Variants in SOAT1 observed in about 807,000 individuals in gnomAD.
The protein encoded by SOAT1 is sterol O-acyltransferase 1.
SOAT1 carries 55 observed loss-of-function variants against 69.5 expected under a neutral mutation model. The ratio of observed to expected loss-of-function variants is 0.79; its 90% CI spans 0.64 to 0.99. The LOEUF (loss-of-function observed/expected upper bound fraction) is 0.99. Ranked by LOEUF, SOAT1 falls within the 50% of genes least tolerant of loss-of-function variation. The probability of loss-of-function intolerance (pLI) is 0.00; values close to 1 mark genes in which losing one functional copy is unlikely to be tolerated. For missense variants in SOAT1, 580 were observed against 669.3 expected (o/e 0.87, Z 1.47); for synonymous variants, 231 against 224.7 (o/e 1.03, Z -0.25).
In SOAT1 at chr1:179,348,954, G is replaced by T. The variant is rs1449647180; in HGVS notation, c.1314+12G>T. Reference sequence around the variant, plus strand: ...AGGACTTTCTCTGGGTAAGTAGCAAGGTTTAAGTTGATATTATTTATGAAA... The same window carrying T: ...AGGACTTTCTCTGGGTAAGTAGCAATGTTTAAGTTGATATTATTTATGAAA... On this transcript the variant is annotated intron_variant, in intron 13 of 15. Transcript: ENST00000367619. The T allele has an allele frequency of 7.5e-7, 1 of 1,339,146 alleles. No homozygotes were observed. Among genetic ancestry groups the T allele is most frequent in the African/African-American group, 1.4e-5 (1 of 69,364 alleles). 83.0% of individuals were successfully genotyped at this position (1,339,146 alleles called of 1,614,324 possible). A position where few individuals can be genotyped will look rare whatever the true frequency, so the allele number is the denominator to read the frequency against.
intron 15 of SOAT1, among the ~76,000 whole-genome samples, chr1:179,352,658 A>G (rs1666777788): frequency 7.8e-6 from 1 of 127,414 alleles, no homozygotes; most frequent in South Asian, 3.0e-4. Flanking sequence ...AATCCCTACA[A>G]CCTTCCAGGT....
intron 7 of SOAT1, 38 bp downstream of exon 7, chr1:179,341,348 C>A: frequency 6.4e-7 from 1 of 1,568,142 alleles, no homozygotes; most frequent in Non-Finnish European, 8.7e-7. Flanking sequence ...ATGCTGTCCT[C>A]GGCTAAAATA....
intron 11 of SOAT1, 32 bp downstream of exon 11, chr1:179,345,108 A>G (rs1666483103): frequency 6.2e-7 from 1 of 1,609,410 alleles, no homozygotes; most frequent in Non-Finnish European, 8.5e-7. Flanking sequence ...TTGGTCATGC[A>G]TAAATTCACG....
intron 15 of SOAT1, among the ~76,000 whole-genome samples, chr1:179,352,497 T>C (rs1232250303): frequency 2.0e-5 from 3 of 152,194 alleles, no homozygotes; most frequent in Admixed American, 1.3e-4. Context: ...GCCTCCTGTA[T>C]TGGGTTTCTT....
intron 15 of SOAT1, among the ~76,000 whole-genome samples, chr1:179,353,062 TA>T (rs1666786555): frequency 6.9e-6 from 1 of 145,734 alleles, no homozygotes; most frequent in Non-Finnish European, 1.5e-5. Flanking sequence ...GTCATTTTTA[TA>T]TATATGTCAT....
At chr1:179,346,962 C>G (rs1385078938) in intron 11 of SOAT1, among the ~76,000 whole-genome samples, 1 of 152,052 alleles carries the variant, frequency 6.6e-6, no homozygotes, top group Non-Finnish European at 1.5e-5. Flanking sequence ...GGGGCAAAAT[C>G]TCTCCCAGTT....
At chr1:179,348,601 A>G (rs141078037) in intron 12 of SOAT1, among the ~76,000 whole-genome samples, 441 of 152,342 alleles carry the variant, frequency 2.9e-3, no homozygotes, top group Non-Finnish European at 4.9e-3. Flanking sequence ...TAAATCATAT[A>G]TAGTATGAGA....
intron 1 of SOAT1, among the ~76,000 whole-genome samples, chr1:179,298,926 A>C (rs1330462964): frequency 2.0e-5 from 3 of 152,200 alleles, no homozygotes; most frequent in Non-Finnish European, 1.5e-5. Context: ...AATTGGTTAC[A>C]TATTAACTGA....
chr1:179,312,911 A>T (rs1351266032), intron 2 of SOAT1, among the ~76,000 whole-genome samples: 2 of 152,052 alleles, frequency 1.3e-5, no homozygotes, highest in Non-Finnish European at 2.9e-5. Context: ...CTGACCACAC[A>T]CTAGAAAAAG....
rs1162260815 is a variant in SOAT1 at position 179,299,745 on chromosome 1, CTTTTTTTTTTTTTT to C, written c.-8-2919_-8-2906del. On this transcript the variant is annotated intron_variant, in intron 1 of 15. Transcript: ENST00000367619. ...ATTTATTTTTTAATCATTTTGCTAT[CTTTTTTTTTTTTTT>C]TTTTTTTTTTTTGAGACGGAGTCTT... Among the ~76,000 whole-genome samples the C allele has an allele frequency of 2.5e-3, 177 of 69,562 alleles. 1 individual carries two copies. Among genetic ancestry groups the C allele is most frequent in the African/African-American group, 9.9e-3 (174 of 17,546 alleles). 45.6% of individuals were successfully genotyped at this position (69,562 alleles called of 152,430 possible).
Position 179,337,845 on chromosome 1 carries a change from G to A in SOAT1, c.338G>A (p.Arg113Lys). 1 of 1,609,382 alleles carries A rather than the reference G, an allele frequency of 6.2e-7. No homozygotes were observed. The highest frequency in any genetic ancestry group is 1.1e-5 in the South Asian group (1 of 90,386). The change falls in exon 5 of 16, where the codon AGA (arginine) becomes AAA (lysine). Residue 113 changes from arginine to lysine, a missense_variant. Arg to Lys is a conservative substitution (Grantham distance 26). Transcript: ENST00000367619. ...EKNNHRAKDL[R>K]APPEQGKIFI... ...ATTTTTCCTCTTCTCAGGGATTTGA[G>A]AGCACCTCCAGAACAAGGAAAGATT...
intron 1 of SOAT1, among the ~76,000 whole-genome samples, chr1:179,301,330 G>T (rs1664824534): frequency 6.6e-6 from 1 of 152,138 alleles, no homozygotes; most frequent in Admixed American, 6.5e-5. Flanking sequence ...CTGCCTTCCT[G>T]AAAAACTTCT....
At chr1:179,302,200 T>C (rs1302127345) in intron 1 of SOAT1, among the ~76,000 whole-genome samples, 2 of 152,208 alleles carry the variant, frequency 1.3e-5, no homozygotes, top group East Asian at 3.8e-4. Context: ...AAATGATTAA[T>C]GCAAAAGGAA....
intron 9 of SOAT1, 37 bp from the exon 10 acceptor site, chr1:179,343,553 T>C: frequency 6.4e-7 from 1 of 1,565,282 alleles, no homozygotes; most frequent in Non-Finnish European, 8.7e-7. Flanking sequence ...TCAATTACTT[T>C]ATTTAGAAAC....
rs757700827 is a variant in SOAT1, at chr1:179,355,841, C to T, written c.*2200C>T. ...AGCCACCGTGCCCGGCCTCTGTTTC[C>T]TGTTATTAGTGATTTTCCTGCCCAA... On this transcript the variant is annotated 3_prime_UTR_variant, in exon 16 of 16. Coordinates refer to ENST00000367619, the MANE Select transcript of SOAT1 (RefSeq NM_003101.6). The T allele has an allele frequency of 6.6e-6, 1 of 152,138 alleles. No homozygotes were observed. Among genetic ancestry groups the T allele is most frequent in the Non-Finnish European group, 1.5e-5 (1 of 68,074 alleles). 9.4% of individuals were successfully genotyped at this position (152,138 alleles called of 1,614,324 possible). A position where few individuals can be genotyped will look rare whatever the true frequency, so the allele number is the denominator to read the frequency against.
intron 1 of SOAT1, among the ~76,000 whole-genome samples, chr1:179,299,944 G>A (rs2247061): frequency 0.36 from 52,530 of 145,052 alleles, 10,625 homozygotes; most frequent in African/African-American, 0.54. Context: ...TGTATTTTTC[G>A]TAGAGATGGG....
intron 2 of SOAT1, among the ~76,000 whole-genome samples, chr1:179,318,903 C>T (rs1298891546): frequency 6.6e-6 from 1 of 151,994 alleles, no homozygotes. Flanking sequence ...CTAATGCTGC[C>T]CATGAATATT....
intron 1 of SOAT1, among the ~76,000 whole-genome samples, chr1:179,295,196 G>C (rs1184444477): frequency 6.6e-6 from 1 of 152,118 alleles, no homozygotes; most frequent in African/African-American, 2.4e-5. Flanking sequence ...TGGCTTTCCA[G>C]GTTCATGCCA....
chr1:179,349,047 G>A, intron 13 of SOAT1, 105 bp downstream of exon 13: 1 of 691,008 alleles, frequency 1.4e-6, no homozygotes, highest in South Asian at 1.7e-5. Context: ...TTGCTCATGA[G>A]GAAAGGGTGA....
Sources: gnomAD v4.1 joint callset for allele counts (sites outside exome capture counted in the v4.1 genomes callset) on GRCh38, gnomAD v4.1.1 for gene constraint, MANE v1.5 for transcripts, NCBI Gene and HGNC (gene_info 2026-07-23, HGNC 2026-07-21) for gene names.